HIVEP1: variants seen among roughly 807,000 people sequenced by gnomAD.
HIVEP1 encodes HIVEP zinc finger 1.
A neutral mutation model predicts 180.0 loss-of-function variants in HIVEP1; 36 were observed. The ratio of observed to expected loss-of-function variants is 0.20; its 90% CI spans 0.15 to 0.26. HIVEP1 has a LOEUF of 0.26. Ranked by LOEUF, HIVEP1 falls within the 10% of genes least tolerant of loss-of-function variation. HIVEP1 has a pLI of 1.00. For synonymous variants in HIVEP1, 1,239 were observed against 1,239.0 expected (o/e 1.00, Z 0.00); for missense variants, 3,143 against 3,268.7 (o/e 0.96, Z 0.94).
At chr6:12,065,473 G>A (rs762491562) in intron 2 of HIVEP1, among the ~76,000 whole-genome samples, 1 of 152,154 alleles carries the variant, frequency 6.6e-6, no homozygotes, top group Non-Finnish European at 1.5e-5. Context: ...CAGGCAGGAC[G>A]CCCTTTTGAT....
intron 2 of HIVEP1, among the ~76,000 whole-genome samples, chr6:12,075,750 T>G (rs190067793): frequency 6.6e-6 from 1 of 152,136 alleles, no homozygotes; most frequent in African/African-American, 2.4e-5. Context: ...CCTCCCACAT[T>G]GCTTTAAAGC....
chr6:12,017,909 C>T (rs560322461), intron 2 of HIVEP1, among the ~76,000 whole-genome samples: 10 of 152,358 alleles, frequency 6.6e-5, no homozygotes, highest in East Asian at 1.9e-4. Context: ...GAGCTGCCTG[C>T]GCCTTGTGCC....
chr6:12,194,527 G>A, the HIVEP1 span, among the ~76,000 whole-genome samples: 2 of 152,102 alleles, frequency 1.3e-5, no homozygotes, highest in Non-Finnish European at 2.9e-5. Flanking sequence ...CAGGCCGGAC[G>A]CGGTGGCTCA....
rs764572008 is a variant in HIVEP1, at chr6:12,122,817, C to T, written c.3022C>T (p.Pro1008Ser). ...CAGCCCTGTGCCCGGCGGTCTGCAG[C>T]CTCAGATTCTACACTACAGAGTCGC... ...EHSPVPGGLQ[P>S]QILHYRVAGS... is the part of the protein sequence containing the mutation. Residue 1008 changes from proline to serine, a missense_variant, in exon 4 of 9, where the codon CCT (proline) becomes TCT (serine). Transcript: ENST00000379388. The T allele has an allele frequency of 6.2e-7, 1 of 1,613,724 alleles. No individual in the cohort carries two copies. Among genetic ancestry groups the T allele is most frequent in the Admixed American group, 1.7e-5 (1 of 59,910 alleles).
rs1250093007 is a variant in HIVEP1 at position 12,119,761 on chromosome 6, T to A, written c.95-129T>A. The A allele has an allele frequency of 4.8e-6, 3 of 624,606 alleles. No homozygotes were observed. The African/African-American group carries it at 5.7e-5, about 12-fold the overall frequency. 38.7% of individuals were successfully genotyped at this position (624,606 alleles called of 1,614,324 possible). Reference sequence around the variant, plus strand: ...CAGAAGTGCAATTTTATTTAAAAAATAGACTTTCCTTAAATACTTTCTTCA... The same window carrying A: ...CAGAAGTGCAATTTTATTTAAAAAAAAGACTTTCCTTAAATACTTTCTTCA... On this transcript the variant is annotated intron_variant, in intron 3 of 8. Transcript: ENST00000379388.
downstream of HIVEP1, chr6:12,165,072 T>C (rs1760661348): frequency 2.0e-6 from 1 of 495,930 alleles, no homozygotes; most frequent in African/African-American, 2.0e-5. Flanking sequence ...AGCCCTGGGT[T>C]CCATTCTTTC....
chr6:12,168,094 C>CATATGTATATATACATATATACAT (rs1562024449), downstream of HIVEP1, among the ~76,000 whole-genome samples: 2 of 44,524 alleles, frequency 4.5e-5, 1 homozygote, highest in Non-Finnish European at 7.5e-5. Context: ...CATATATACA[C>CATATGTATATATACATATATACAT]ATACACGTAT....
intron 2 of HIVEP1, among the ~76,000 whole-genome samples, chr6:12,078,587 T>C (rs886426643): frequency 1.3e-5 from 2 of 149,164 alleles, no homozygotes; most frequent in Non-Finnish European, 3.0e-5. Context: ...TAGCAGCACC[T>C]TGTATCTGAG....
In HIVEP1 at chr6:12,015,509, G is replaced by T; in HGVS notation, c.-103-17G>T. ...TGAAGGTAGTAAAATGTGCTTCTCC[G>T]TTTTTTTCTTTTTCAGCACATGGAT... is the stretch of plus-strand genomic sequence containing the variant. On this transcript the variant is annotated splice_polypyrimidine_tract_variant and intron_variant, in intron 1 of 8. Transcript: ENST00000379388. 3.7e-6 allele frequency: 3 copies of T among 805,866 alleles called. No individual in the cohort carries two copies. Among genetic ancestry groups the T allele is most frequent in the South Asian group, 3.1e-5 (2 of 63,914 alleles). The allele number at this position is 805,866 out of a possible 1,614,324, so 49.9% of individuals were successfully genotyped here.
intron 3 of HIVEP1, among the ~76,000 whole-genome samples, chr6:12,095,429 A>G (rs1387015730): frequency 6.6e-6 from 1 of 151,598 alleles, no homozygotes; most frequent in East Asian, 1.9e-4. Flanking sequence ...TTTTATATTT[A>G]TTAGTTTCAT....
At chr6:12,145,418 A>G (rs1269551932) in intron 7 of HIVEP1, among the ~76,000 whole-genome samples, 3 of 152,034 alleles carry the variant, frequency 2.0e-5, no homozygotes, top group Non-Finnish European at 4.4e-5. Flanking sequence ...ACCTAATGTA[A>G]ATGACTAGTT....
Position 12,121,922 on chromosome 6 carries a change from C to A in HIVEP1, c.2127C>A (p.Pro709=). ...AAGACTCTGGAAGGAGTAACGGACC[C>A]TCTGCAGCTCTTGTCACCACGTCAA... ...TEQDSGRSNG[P]SAALVTTSTP... Residue 709 remains proline (P), a synonymous_variant, in exon 4 of 9, where the codon CCC becomes CCA. Transcript: ENST00000379388. The surrounding 1 kb of genome is among the most constrained non-coding windows in gnomAD (Gnocchi z 5.3). The A allele has an allele frequency of 6.2e-7, 1 of 1,614,178 alleles. No individual in the cohort carries two copies. Among genetic ancestry groups the A allele is most frequent in the Non-Finnish European group, 8.5e-7 (1 of 1,180,016 alleles).
chr6:12,101,533 T>C (rs187130622), intron 3 of HIVEP1, among the ~76,000 whole-genome samples: 6 of 152,054 alleles, frequency 3.9e-5, no homozygotes, highest in Non-Finnish European at 8.8e-5. Context: ...AATATAAATC[T>C]AAAGAGACTC....
rs1757786008 is a variant in HIVEP1, at chr6:12,123,051, A to G, written c.3256A>G (p.Ile1086Val). The G allele has an allele frequency of 6.2e-7, 1 of 1,614,088 alleles. No individual in the cohort carries two copies. The highest frequency in any genetic ancestry group is 8.5e-7 in the Non-Finnish European group (1 of 1,180,048). The change falls in exon 4 of 9, where the codon ATA (isoleucine) becomes GTA (valine). Residue 1086 changes from isoleucine (I) to valine (V), a missense_variant. Transcript: ENST00000379388. ...AAGAAGTGACCAGCAGCATAAAAAT[A>G]TACAGTTGCAAAACTCCCATATTCA... ...TIRSDQQHKNIQLQNSHIHLV... is the reference protein window; with the variant it reads ...TIRSDQQHKNVQLQNSHIHLV...
At chr6:12,155,918 A>T (rs1394488154) in intron 7 of HIVEP1, among the ~76,000 whole-genome samples, 2 of 151,998 alleles carry the variant, frequency 1.3e-5, no homozygotes, top group Admixed American at 6.5e-5. Context: ...AGCATCTGTT[A>T]TTTTTTAACT....
intron 2 of HIVEP1, among the ~76,000 whole-genome samples, chr6:12,017,365 C>T (rs116263307): frequency 1.3e-5 from 2 of 152,142 alleles, no homozygotes; most frequent in Admixed American, 6.5e-5. Flanking sequence ...GAGTTTCTTT[C>T]TTCTGGTAGG....
chr6:12,183,006 A>G, the HIVEP1 span, among the ~76,000 whole-genome samples: 1 of 152,216 alleles, frequency 6.6e-6, no homozygotes, highest in Non-Finnish European at 1.5e-5. Flanking sequence ...AAATGATGCC[A>G]GAGACCAAAC....
chr6:12,192,848 C>CT, the HIVEP1 span, among the ~76,000 whole-genome samples: 4,188 of 145,368 alleles, frequency 0.029, 225 homozygotes, highest in African/African-American at 0.097. Flanking sequence ...TTGAAACATA[C>CT]TTTTTTTTTT....
chr6:12,110,202 G>T (rs1774794651), intron 3 of HIVEP1, among the ~76,000 whole-genome samples: 1 of 152,208 alleles, frequency 6.6e-6, no homozygotes, highest in Non-Finnish European at 1.5e-5. Flanking sequence ...TGATTCTTAA[G>T]GGTCTTATGG....
Sources: gnomAD v4.1 joint callset for allele counts (sites outside exome capture counted in the v4.1 genomes callset) on GRCh38, gnomAD v4.1.1 for gene constraint, Gnocchi (gnomAD v3.1) non-coding constraint, MANE v1.5 for transcripts, NCBI Gene and HGNC (gene_info 2026-07-23, HGNC 2026-07-21) for gene names.